The following MTTP variants were observed in gnomAD, a reference collection of about 807,000 sequenced individuals.
MTTP encodes the protein microsomal triglyceride transfer protein.
A neutral mutation model predicts 90.6 loss-of-function variants in MTTP; 49 were observed. The observed-to-expected ratio is 0.54, with a 90% CI of 0.43 to 0.69. MTTP has a LOEUF of 0.69. Among genes scored for constraint, MTTP ranks in the 30% least tolerant of loss-of-function variants. The pLI is 0.00. For synonymous variants in MTTP, 347 were observed against 384.2 expected, an observed-to-expected ratio of 0.90 and a Z score of 1.13; for missense variants, 945 against 1,067.5, an observed-to-expected ratio of 0.89 and a Z score of 1.60.
chr4:99,618,574 C>T (rs1378154958), intron 15 of MTTP, among the ~76,000 whole-genome samples: 2 of 152,092 alleles, frequency 1.3e-5, no homozygotes, highest in Admixed American at 6.6e-5. Flanking sequence ...ATTGCTAGAC[C>T]CCATCCTCAG....
intron 2 of MTTP, 30 bp downstream of exon 2, chr4:99,582,122 G>C: frequency 6.2e-7 from 1 of 1,612,124 alleles, no homozygotes; most frequent in Non-Finnish European, 8.5e-7. Context: ...TAAATGCAAA[G>C]ATTAGATATC....
intron 2 of MTTP, among the ~76,000 whole-genome samples, chr4:99,582,568 A>AGTGTTTG (rs1465189722): frequency 5.9e-5 from 9 of 152,160 alleles, no homozygotes; most frequent in Non-Finnish European, 8.8e-5. Flanking sequence ...CCTGAATAAC[A>AGTGTTTG]GTGTTTGGTC....
chr4:99,608,695 C>G, intron 11 of MTTP, 71 bp from the exon 12 acceptor site: 1 of 1,140,768 alleles, frequency 8.8e-7, no homozygotes, highest in Non-Finnish European at 1.3e-6. Flanking sequence ...ACTCACTATT[C>G]CTGCTATTCC....
chr4:99,592,551 CT>C (rs765208635), intron 6 of MTTP, among the ~76,000 whole-genome samples: 11 of 150,222 alleles, frequency 7.3e-5, no homozygotes, highest in Non-Finnish European at 1.5e-4. Context: ...TTAAAAATTT[CT>C]GGTTAAAAAT....
rs560803903 is a variant in MTTP at position 99,591,507 on chromosome 4, A to G, written c.619-144A>G. The G allele has an allele frequency of 2.9e-4, 318 of 1,102,224 alleles. 3 individuals are homozygous for G. The South Asian group carries it at 4.0e-3, about 14-fold the overall frequency. 68.3% of individuals were successfully genotyped at this position (1,102,224 alleles called of 1,614,324 possible). The stretch of plus-strand genomic sequence containing the variant: ...TCACACATATGTAATGAATAGACCC[A>G]TTTCAATTGTTGTAGGTGTTAGTAA... On this transcript the variant is annotated intron_variant, in intron 5 of 17. Transcript: ENST00000265517.
chr4:99,583,829 T>C, intron 3 of MTTP: 1 of 500,560 alleles, frequency 2.0e-6, no homozygotes, highest in Admixed American at 3.6e-5. Flanking sequence ...ATTACAAACG[T>C]AATGTAACAA....
At chr4:99,591,191 C>A in intron 4 of MTTP, 44 bp from the exon 5 acceptor site, 1 of 1,393,118 alleles carries the variant, frequency 7.2e-7, no homozygotes, top group Non-Finnish European at 1.0e-6. Flanking sequence ...ATTCAAATGG[C>A]CCACAAGGAA....
chr4:99,593,861 G>A (rs1336775924), intron 6 of MTTP, among the ~76,000 whole-genome samples: 1 of 152,070 alleles, frequency 6.6e-6, no homozygotes, highest in Admixed American at 6.6e-5. Flanking sequence ...GATTTCCATT[G>A]CTATGTAACA....
chr4:99,622,556 C>T, intron 17 of MTTP, 121 bp from the exon 18 acceptor site: 1 of 1,034,802 alleles, frequency 9.7e-7, no homozygotes, highest in Non-Finnish European at 1.5e-6. Context: ...CTTTGACACT[C>T]ATATCCTTTC....
At chr4:99,608,146 T>A (rs1725863655) in intron 11 of MTTP, among the ~76,000 whole-genome samples, 1 of 152,086 alleles carries the variant, frequency 6.6e-6, no homozygotes, top group African/African-American at 2.4e-5. Flanking sequence ...CTCAGCAATG[T>A]GTTAAAAGTT....
upstream of MTTP, chr4:99,570,939 G>A: frequency 2.8e-6 from 1 of 358,458 alleles, no homozygotes; most frequent in Admixed American, 3.6e-5. Context: ...ATCCCTGTGA[G>A]ACCAGTGTTA....
chr4:99,622,590 T>C, intron 17 of MTTP, 87 bp from the exon 18 acceptor site: 1 of 1,431,300 alleles, frequency 7.0e-7, no homozygotes, highest in Non-Finnish European at 9.8e-7. Flanking sequence ...GAACAGAAAC[T>C]TCAAGTACAT....
chr4:99,620,345 C>T (rs1445677665), intron 16 of MTTP, among the ~76,000 whole-genome samples: 1 of 152,160 alleles, frequency 6.6e-6, no homozygotes, highest in African/African-American at 2.4e-5. Context: ...GATTTAAAGT[C>T]CACAATTCAA....
At chr4:99,621,263 A>AC (rs1726224282) in intron 17 of MTTP, 32 bp downstream of exon 17, 8 of 1,611,332 alleles carry the variant, frequency 5.0e-6, no homozygotes, top group African/African-American at 2.7e-5. Flanking sequence ...ATGTTCCAGG[A>AC]CCATCCCCAG....
In MTTP at chr4:99,606,865, A is replaced by G; in HGVS notation, c.1462A>G (p.Ser488Gly). The change falls in exon 11 of 18, where the codon AGT (serine) becomes GGT (glycine). Residue 488 changes from serine to glycine, a missense_variant. Ser to Gly is a moderately conservative substitution (Grantham distance 56, BLOSUM62 0). Transcript: ENST00000265517. ...TGCCCTGCTTCCAGAAGGCATCCCA[A>G]GTCTTCTGAAGTATGCAGAAGCAGG... ...KNALLPEGIP[S>G]LLKYAEAGEG... The G allele has an allele frequency of 6.2e-7, 1 of 1,614,082 alleles. No homozygotes were observed. Among genetic ancestry groups the G allele is most frequent in the South Asian group, 1.1e-5 (1 of 91,090 alleles).
chr4:99,622,916 C>CTT lies in MTTP; in HGVS notation c.*69_*70dup. 3 of 1,518,826 alleles carry CTT rather than the reference C, an allele frequency of 2.0e-6. No homozygotes were observed. Among genetic ancestry groups the CTT allele is most frequent in the Non-Finnish European group, 2.7e-6 (3 of 1,093,802 alleles). The allele number at this position is 1,518,826 out of a possible 1,614,324, so 94.1% of individuals were successfully genotyped here. A position where few individuals can be genotyped will look rare whatever the true frequency, so the allele number is the denominator to read the frequency against. On this transcript the variant is annotated 3_prime_UTR_variant, in exon 18 of 18. Coordinates refer to ENST00000265517, the MANE Select transcript of MTTP (RefSeq NM_001386140.1). ...GGACACAATGTGGCATGACTAAGTA[C>CTT]TTGCTCTCTGAGAGCACAGCGTTTA...
upstream of MTTP, among the ~76,000 whole-genome samples, chr4:99,571,833 A>C (rs1724848667): frequency 6.6e-6 from 1 of 151,714 alleles, no homozygotes; most frequent in Non-Finnish European, 1.5e-5. Flanking sequence ...TGATTTGAAA[A>C]TACTTTTAGA....
chr4:99,598,310 A>G (rs1725607556), intron 8 of MTTP, among the ~76,000 whole-genome samples: 2 of 152,184 alleles, frequency 1.3e-5, no homozygotes. Flanking sequence ...TTATATTTTT[A>G]AGATTCTTTA....
chr4:99,583,384 TA>T lies in MTTP; in HGVS notation c.263del (p.Asn88MetfsTer5), dbSNP rs1456821101. On this transcript the variant is annotated frameshift_variant, in exon 3 of 18. Transcript: ENST00000265517. LOFTEE classifies it high-confidence loss of function. Reference protein sequence around the residue: ...DQLIQITMKDVNVENVNQQRG... With the variant: ...DQLIQITMKDXNVENVNQQRG... Reference sequence around the variant, plus strand: ...TTTCTGTTACTCCAGATGAAGGATGTAAATGTTGAAAATGTGAATCAGCAGA... The same window carrying T: ...TTTCTGTTACTCCAGATGAAGGATGTAATGTTGAAAATGTGAATCAGCAGA... 1 of 1,613,166 alleles carries T rather than the reference TA, an allele frequency of 6.2e-7. No homozygotes were observed. The highest frequency in any genetic ancestry group is 8.5e-7 in the Non-Finnish European group (1 of 1,179,626).
Sources: gnomAD v4.1 joint callset for allele counts (sites outside exome capture counted in the v4.1 genomes callset) on GRCh38, gnomAD v4.1.1 for gene constraint, MANE v1.5 for transcripts, NCBI Gene and HGNC (gene_info 2026-07-23, HGNC 2026-07-21) for gene names.